Variants in NLRP5 observed in about 807,000 individuals in gnomAD.
NLRP5 encodes the protein NLR family pyrin domain containing 5, also known as NACHT, LRR and PYD domains-containing protein 5.
Under a neutral mutation model 113.1 loss-of-function variants are expected in NLRP5, and 93 were observed. The observed-to-expected ratio is 0.82, with a 90% confidence interval of 0.70 to 0.98. The LOEUF (loss-of-function observed/expected upper bound fraction) is 0.98, where lower values mean the gene tolerates loss of function less well. NLRP5 is among the 50% of genes least tolerant of loss of function. NLRP5 has a pLI of 0.00. For synonymous variants in NLRP5, 751 were observed against 600.7 expected (o/e 1.25, Z -3.66); for missense variants, 1,808 against 1,514.3 (o/e 1.19, Z -3.22).
chr19:55,989,426 T>C, the NLRP5 span, among the ~76,000 whole-genome samples: 2 of 152,190 alleles, frequency 1.3e-5, no homozygotes, highest in Non-Finnish European at 2.9e-5. Context: ...CTAATTTTCA[T>C]ATTTTTAGTA....
At position 56,017,093 on chromosome 19, in the gene NLRP5, C is replaced by T. The variant is rs150854778; in HGVS notation, c.565+1295C>T. On this transcript the variant is annotated intron_variant, in intron 4 of 14. Transcript: ENST00000390649. ...AAGTGCTGGGATTACAGACGTGAGC[C>T]ACCGCGCCCGGCCAAAATCCTTTTC... 1.3e-3 allele frequency among the ~76,000 whole-genome samples: 203 copies of T among 152,284 alleles called. 3 individuals carry two copies. The East Asian group carries it at 0.034, about 26-fold the overall frequency.
intron 6 of NLRP5, among the ~76,000 whole-genome samples, chr19:56,024,118 T>C (rs1373208511): frequency 2.6e-5 from 4 of 152,000 alleles, no homozygotes; most frequent in African/African-American, 9.7e-5. Flanking sequence ...GTGATAAATG[T>C]CAGGTGGTAT....
Position 56,020,744 on chromosome 19 carries a change from G to T in NLRP5, c.679+313G>T, listed in dbSNP as rs199476225. Among the ~76,000 whole-genome samples, 4,322 of 150,448 alleles carry T rather than the reference G, an allele frequency of 0.029. 66 individuals are homozygous for T. The highest frequency in any genetic ancestry group is 0.1 in the African/African-American group (4,070 of 40,384). ...ATATGGCCAAGAGTAGTCAAATGCT[G>T]TCTTCAAACTTAAGTGGTAGTAATT... On this transcript the variant is annotated intron_variant, in intron 6 of 14. Transcript: ENST00000390649.
chr19:55,993,141 G>A, the NLRP5 span, among the ~76,000 whole-genome samples: 2 of 151,878 alleles, frequency 1.3e-5, no homozygotes, highest in Non-Finnish European at 2.9e-5. Flanking sequence ...GAGCCACTGC[G>A]CCCGGCCCGA....
At chr19:56,004,973 A>G (rs1309391997) in intron 2 of NLRP5, among the ~76,000 whole-genome samples, 2 of 151,752 alleles carry the variant, frequency 1.3e-5, no homozygotes, top group Non-Finnish European at 2.9e-5. Flanking sequence ...ACATGCCTGT[A>G]ATCCCAGCTA....
In NLRP5 at chr19:56,013,595, G is replaced by GTTT. The variant is rs1418924718; in HGVS notation, c.509-2147_509-2146insTTT. On this transcript the variant is annotated intron_variant, in intron 3 of 14. Transcript: ENST00000390649. ...TCATTTATCACATGATGGACATTTG[G>GTTT]GTTTTTTTTTTTTTTTTTTTTTGCT... Among the ~76,000 whole-genome samples the GTTT allele has an allele frequency of 6.1e-4, 19 of 30,986 alleles. 1 individual carries two copies. Among genetic ancestry groups the GTTT allele is most frequent in the South Asian group, 9.4e-4 (1 of 1,066 alleles). The allele number at this position is 30,986 out of a possible 152,430, so 20.3% of individuals were successfully genotyped here.
intron 3 of NLRP5, among the ~76,000 whole-genome samples, chr19:56,014,478 CAAAA>C (rs3055393): frequency 2.5e-4 from 34 of 136,948 alleles, no homozygotes; most frequent in South Asian, 4.8e-4. Context: ...CGCTCCATCT[CAAAA>C]AAAAAAAAAA....
rs192219590 is a variant in NLRP5 at position 56,038,138 on chromosome 19, G to A, written c.2729G>A (p.Gly910Glu). Reference sequence around the variant, plus strand: ...GCAGGAAACAAGGTGACAGACCAGGGAGTAATGCCTCTCAGTGATGCCTTG... The same window carrying A: ...GCAGGAAACAAGGTGACAGACCAGGAAGTAATGCCTCTCAGTGATGCCTTG... The change falls in exon 10 of 15, where the codon GGA becomes GAA. Residue 910 changes from glycine (G) to glutamate (E), a missense_variant. By Grantham distance (98) the Gly-to-Glu change is moderately conservative. Transcript: ENST00000390649. 4.0e-5 allele frequency: 64 copies of A among 1,613,968 alleles called. No homozygotes were observed. In the African/African-American group the frequency reaches 7.5e-4, roughly 19 times the overall value.
intron 2 of NLRP5, among the ~76,000 whole-genome samples, chr19:56,005,266 C>T (rs894014647): frequency 6.9e-6 from 1 of 145,648 alleles, no homozygotes; most frequent in African/African-American, 2.5e-5. Context: ...TATATATACA[C>T]ATACACATAT....
upstream of NLRP5, among the ~76,000 whole-genome samples, chr19:55,995,861 T>C (rs2123253348): frequency 6.6e-6 from 1 of 152,142 alleles, no homozygotes; most frequent in East Asian, 1.9e-4. Context: ...GCTTTCTTTT[T>C]CAGCTAGTTC....
chr19:56,000,336 CG>C (rs1394256628), intron 1 of NLRP5, among the ~76,000 whole-genome samples: 2 of 150,698 alleles, frequency 1.3e-5, no homozygotes, highest in Non-Finnish European at 2.9e-5. Flanking sequence ...CAGGGGAAAA[CG>C]TGTACCCACA....
chr19:56,028,404 C>A lies in NLRP5; in HGVS notation c.2171C>A (p.Ser724Tyr). Residue 724 changes from serine to tyrosine, a missense_variant, in exon 7 of 15, where the codon TCC (serine) becomes TAC (tyrosine). Physicochemically the swap from Ser to Tyr is moderately radical, Grantham distance 144. Coordinates refer to ENST00000390649, the MANE Select transcript of NLRP5 (RefSeq NM_153447.4). ...CAGAACCTGGACTTGATAGCATCTTCCTTCTGCCTCCAGCACTGTCCGTAT... is the reference window on the plus strand; with the variant it reads ...CAGAACCTGGACTTGATAGCATCTTACTTCTGCCTCCAGCACTGTCCGTAT... 1 of 1,613,972 alleles carries A rather than the reference C, an allele frequency of 6.2e-7. No individual in the cohort carries two copies. Among genetic ancestry groups the A allele is most frequent in the Non-Finnish European group, 8.5e-7 (1 of 1,179,878 alleles).
chr19:56,015,862 T>G, intron 4 of NLRP5, 64 bp downstream of exon 4: 1 of 1,306,080 alleles, frequency 7.7e-7, no homozygotes, highest in South Asian at 1.5e-5. Flanking sequence ...GAGAAGTTCA[T>G]GTAGTTCAAA....
intron 9 of NLRP5, among the ~76,000 whole-genome samples, chr19:56,036,162 C>T (rs1222829715): frequency 7.0e-6 from 1 of 142,170 alleles, no homozygotes; most frequent in Non-Finnish European, 1.5e-5. Flanking sequence ...CTCCTGGGTT[C>T]ACGCCATTCT....
intron 9 of NLRP5, among the ~76,000 whole-genome samples, chr19:56,036,686 G>C (rs1983329999): frequency 6.6e-6 from 1 of 152,238 alleles, no homozygotes; most frequent in African/African-American, 2.4e-5. Context: ...ACCAGGCACA[G>C]TGGCTCATGC....
At chr19:55,987,687 G>C in the NLRP5 span, 2 of 672,412 alleles carry the variant, frequency 3.0e-6, no homozygotes, top group Non-Finnish European at 5.4e-6. Flanking sequence ...CAGGACACCT[G>C]GGTAGAAAGG....
At chr19:56,019,743 G>T (rs1161050568) in intron 5 of NLRP5, among the ~76,000 whole-genome samples, 8 of 152,036 alleles carry the variant, frequency 5.3e-5, no homozygotes, top group Non-Finnish European at 1.0e-4. Flanking sequence ...AATTATTTTT[G>T]TAATTCCTTC....
chr19:56,015,438 C>T (rs1024362615), intron 3 of NLRP5, among the ~76,000 whole-genome samples: 2 of 152,170 alleles, frequency 1.3e-5, no homozygotes, highest in Non-Finnish European at 2.9e-5. Context: ...TCAAAAGATT[C>T]GCCTGCCTCG....
At chr19:56,010,179 G>A (rs576161714) in intron 3 of NLRP5, among the ~76,000 whole-genome samples, 16 of 151,612 alleles carry the variant, frequency 1.1e-4, no homozygotes, top group African/African-American at 3.4e-4. Context: ...CTTGGATCAC[G>A]CACCGTGCCA....
Sources: gnomAD v4.1 joint callset for allele counts (sites outside exome capture counted in the v4.1 genomes callset) on GRCh38, gnomAD v4.1.1 for gene constraint, MANE v1.5 for transcripts, NCBI Gene and HGNC (gene_info 2026-07-23, HGNC 2026-07-21) for gene names.